AGXT: variants seen among roughly 807,000 people sequenced by gnomAD.
AGXT encodes the protein alanine--glyoxylate aminotransferase.
Under a neutral mutation model 46.9 loss-of-function variants are expected in AGXT, and 41 were observed. The observed-to-expected ratio is 0.88, with a 90% CI of 0.68 to 1.14. The LOEUF is 1.14. AGXT is among the 50% of genes most tolerant of loss of function. The pLI, the probability that AGXT is intolerant of heterozygous loss-of-function variation, is 0.00. For missense variants in AGXT, 525 were observed against 522.7 expected (o/e 1.00, Z -0.04); for synonymous variants, 244 against 227.9 (o/e 1.07, Z -0.64).
chr2:240,878,849 G>A lies in AGXT; in HGVS notation c.*28G>A. ...TGCCCACTGGCACACAGCTGGCACTGGCACACACCTGTCCCATGCCCACCC... is the reference window on the plus strand; with the variant it reads ...TGCCCACTGGCACACAGCTGGCACTAGCACACACCTGTCCCATGCCCACCC... On this transcript the variant is annotated 3_prime_UTR_variant, in exon 11 of 11. Coordinates refer to ENST00000307503, the MANE Select transcript of AGXT (RefSeq NM_000030.3). The A allele has an allele frequency of 6.4e-7, 1 of 1,554,698 alleles. No homozygotes were observed. Among genetic ancestry groups the A allele is most frequent in the Non-Finnish European group, 8.7e-7 (1 of 1,148,478 alleles).
chr2:240,873,816 C>A (rs373068872), intron 5 of AGXT, among the ~76,000 whole-genome samples, 162 bp from the exon 6 acceptor site: 6 of 152,156 alleles, frequency 3.9e-5, no homozygotes, highest in Admixed American at 1.3e-4. Flanking sequence ...GCAGCAGTGC[C>A]CAGATTTGAA....
At position 240,878,958 on chromosome 2, in the gene AGXT, C is replaced by T; in HGVS notation, c.*137C>T. 1 of 875,494 alleles carries T rather than the reference C, an allele frequency of 1.1e-6. No homozygotes were observed. Among genetic ancestry groups the T allele is most frequent in the Non-Finnish European group, 1.8e-6 (1 of 548,950 alleles). The allele number at this position is 875,494 out of a possible 1,614,324, so 54.2% of individuals were successfully genotyped here. A position where few individuals can be genotyped will look rare whatever the true frequency, so the allele number is the denominator to read the frequency against. ...CACTGACCCAGCCCGGGAGGCAGAA[C>T]CAGGCAGCCTCCCTGGCCCCAGGCA... On this transcript the variant is annotated 3_prime_UTR_variant, in exon 11 of 11. Coordinates refer to ENST00000307503, the MANE Select transcript of AGXT (RefSeq NM_000030.3).
At chr2:240,873,341 G>C in intron 5 of AGXT, 1 of 436,068 alleles carries the variant, frequency 2.3e-6, no homozygotes, top group South Asian at 2.8e-5. Flanking sequence ...GCAGTGGGAA[G>C]AGGAAGGGCC....
At chr2:240,870,347 T>G (rs2058984590) in intron 2 of AGXT, among the ~76,000 whole-genome samples, 1 of 152,134 alleles carries the variant, frequency 6.6e-6, no homozygotes, top group Non-Finnish European at 1.5e-5. Flanking sequence ...GAGCTCACTC[T>G]CTGCTTGGGG....
At position 240,877,518 on chromosome 2, in the gene AGXT, A is replaced by T. The variant is rs1403732294; in HGVS notation, c.847-19A>T. On this transcript the variant is annotated intron_variant, in intron 8 of 10. Coordinates refer to ENST00000307503, the MANE Select transcript of AGXT (RefSeq NM_000030.3). Reference sequence around the variant, plus strand: ...CACCCCACCCATGTCACTGCCCACCAGCGCCATCTCCCACACAGGGCCTGG... The same window carrying T: ...CACCCCACCCATGTCACTGCCCACCTGCGCCATCTCCCACACAGGGCCTGG... 1.9e-6 allele frequency: 3 copies of T among 1,539,640 alleles called. No individual in the cohort carries two copies. In the African/African-American group the frequency reaches 4.1e-5, roughly 21 times the overall value.
chr2:240,874,125 C>T (rs2059007473), intron 6 of AGXT, 63 bp downstream of exon 6: 12 of 1,545,156 alleles, frequency 7.8e-6, no homozygotes, highest in South Asian at 4.5e-5. Context: ...TCAGGTGGCC[C>T]GAGGCGGGAG....
At chr2:240,874,104 T>C in intron 6 of AGXT, 42 bp downstream of exon 6, 1 of 1,594,216 alleles carries the variant, frequency 6.3e-7, no homozygotes. Context: ...AGGGCTGGGC[T>C]TGCAGGGAGC....
chr2:240,871,356 C>T lies in AGXT; in HGVS notation c.431C>T (p.Ala144Val). Reference protein sequence around the residue: ...YTLQEVEEGLAQHKPVLLFLT... With the variant: ...YTLQEVEEGLVQHKPVLLFLT... ...CCGTCCCTGCTTCCTCAGGGCCTGG[C>T]CCAGCACAAGCCAGTGCTGCTGTTC... The change falls in exon 4 of 11, where the codon GCC (alanine) becomes GTC (valine). Residue 144 changes from alanine to valine, a missense_variant. Physicochemically the swap from Ala to Val is moderately conservative, Grantham distance 64. Coordinates refer to ENST00000307503, the MANE Select transcript of AGXT (RefSeq NM_000030.3). 6.3e-7 allele frequency: 1 copy of T among 1,580,772 alleles called. No homozygotes were observed. The highest frequency in any genetic ancestry group is 8.6e-7 in the Non-Finnish European group (1 of 1,164,174).
chr2:240,877,911 C>T, intron 9 of AGXT, 111 bp from the exon 10 acceptor site: 7 of 1,485,874 alleles, frequency 4.7e-6, no homozygotes, highest in Non-Finnish European at 5.5e-6. Flanking sequence ...GGCCCTTTCT[C>T]CCCCGGCTCC....
At chr2:240,873,670 A>G (rs559165456) in intron 5 of AGXT, among the ~76,000 whole-genome samples, 1 of 152,100 alleles carries the variant, frequency 6.6e-6, no homozygotes, top group East Asian at 1.9e-4. Flanking sequence ...CTGATCCTCA[A>G]ACTACTACTG....
intron 8 of AGXT, 98 bp downstream of exon 8, chr2:240,876,102 A>G: frequency 2.8e-6 from 4 of 1,406,202 alleles, no homozygotes; most frequent in Non-Finnish European, 4.0e-6. Context: ...GCACAGAGAA[A>G]AGGGAGCCTG....
Position 240,877,597 on chromosome 2 carries a change from C to A in AGXT, c.907C>A (p.Gln303Lys). The A allele has an allele frequency of 6.4e-7, 1 of 1,550,966 alleles. No homozygotes were observed. The highest frequency in any genetic ancestry group is 8.7e-7 in the Non-Finnish European group (1 of 1,146,992). Residue 303 changes from glutamine to lysine, a missense_variant, in exon 9 of 11, where the codon CAG becomes AAG. By Grantham distance (53) the Gln-to-Lys change is moderately conservative (BLOSUM62 1). Transcript: ENST00000307503. ...EAAAYLHGRLQALGLQLFVKD... is the reference protein window; with the variant it reads ...EAAAYLHGRLKALGLQLFVKD... ...CGCGGCGTATCTGCATGGGCGCCTG[C>A]AGGCACTGGGGCTGCAGCTCTTCGT... is the stretch of plus-strand genomic sequence containing the variant.
intron 8 of AGXT, 120 bp downstream of exon 8, chr2:240,876,124 C>A (rs893021179): frequency 5.7e-6 from 7 of 1,234,768 alleles, no homozygotes; most frequent in Admixed American, 3.9e-5. Context: ...CAGAGAGAGG[C>A]CCTCAGTGGG....
At chr2:240,877,241 C>T in intron 8 of AGXT, 1 of 592,018 alleles carries the variant, frequency 1.7e-6, no homozygotes. Context: ...CAGCCCTTCC[C>T]CTCCTTGCCC....
intron 5 of AGXT, among the ~76,000 whole-genome samples, chr2:240,873,701 G>T (rs1328560594): frequency 6.6e-6 from 1 of 152,124 alleles, no homozygotes; most frequent in African/African-American, 2.4e-5. Flanking sequence ...CCTGGGGAGG[G>T]CCCCAGGGAC....
chr2:240,872,975 C>G lies in AGXT; in HGVS notation c.525-4C>G. On this transcript the variant is annotated splice_polypyrimidine_tract_variant and splice_region_variant and intron_variant, in intron 4 of 10. Coordinates refer to ENST00000307503, the MANE Select transcript of AGXT (RefSeq NM_000030.3). ...GCCCTCCATTCTGTCCCCCACCTCT[C>G]CAGGTACAAGTGCCTGCTCCTGGTG... The G allele has an allele frequency of 6.2e-7, 1 of 1,613,854 alleles. No individual in the cohort carries two copies. The highest frequency in any genetic ancestry group is 8.5e-7 in the Non-Finnish European group (1 of 1,179,822).
At chr2:240,873,191 C>T in intron 5 of AGXT, 142 bp downstream of exon 5, 2 of 706,588 alleles carry the variant, frequency 2.8e-6, no homozygotes, top group Middle Eastern at 3.6e-4. Flanking sequence ...AACACTCACT[C>T]CTTACTGCGG....
chr2:240,878,890 A>C lies in AGXT; in HGVS notation c.*69A>C, dbSNP rs1255311955. ...ATGCCCACCCTGAGGGATCAGGAGC[A>C]AACAGACCCTGCAAGGTCCTCCAGG... On this transcript the variant is annotated 3_prime_UTR_variant, in exon 11 of 11. Transcript: ENST00000307503. The C allele has an allele frequency of 6.9e-7, 1 of 1,452,492 alleles. No individual in the cohort carries two copies. The highest frequency in any genetic ancestry group is 9.4e-7 in the Non-Finnish European group (1 of 1,064,838). The allele number at this position is 1,452,492 out of a possible 1,614,324, so 90.0% of individuals were successfully genotyped here.
intron 4 of AGXT, among the ~76,000 whole-genome samples, chr2:240,872,314 CGTGAACATGGAGGAGG>C (rs1559569194): frequency 1.0e-4 from 12 of 118,990 alleles, no homozygotes; most frequent in East Asian, 2.6e-4. Flanking sequence ...GGTGAGAGTT[CGTGAACATGGAGGAGG>C]AGGAGGGTGA....
Sources: allele counts gnomAD v4.1 joint callset (sites outside exome capture counted in the v4.1 genomes callset), GRCh38; gene constraint gnomAD v4.1.1; transcripts MANE v1.5; gene names NCBI Gene and HGNC (gene_info 2026-07-23, HGNC 2026-07-21).